The following APOO variants were observed in gnomAD, a reference collection of about 807,000 sequenced individuals.
The protein encoded by APOO is MICOS complex subunit MIC26.
APOO carries 11 observed loss-of-function variants against 23.1 expected under a neutral mutation model. That is an observed-to-expected ratio of 0.48 (90% confidence interval 0.30 to 0.79). The LOEUF is 0.79. APOO is among the 30% of genes least tolerant of loss of function. The pLI, the probability that APOO is intolerant of heterozygous loss-of-function variation, is 0.07. For missense variants in APOO, 160 were observed against 142.7 expected, an observed-to-expected ratio of 1.12 and a Z score of -0.62; for synonymous variants, 59 against 54.8, an observed-to-expected ratio of 1.08 and a Z score of -0.34.
chrX:23,857,096 G>A (rs1486760491), intron 6 of APOO, among the ~76,000 whole-genome samples: 1 of 110,329 alleles, frequency 9.1e-6, no homozygotes, highest in East Asian at 2.8e-4. Context: ...GAGGGTGGAG[G>A]GTGAGAAGAG....
At chrX:23,873,343 C>G (rs1325335397) in intron 4 of APOO, among the ~76,000 whole-genome samples, 1 of 111,423 alleles carries the variant, frequency 9.0e-6, no homozygotes, top group Non-Finnish European at 1.9e-5. Context: ...GGTACGGTGG[C>G]TCACGCCTGT....
intron 5 of APOO, among the ~76,000 whole-genome samples, chrX:23,865,275 C>A (rs1601907907): frequency 9.0e-6 from 1 of 111,192 alleles, no homozygotes; most frequent in East Asian, 2.8e-4. Flanking sequence ...CAATCCTCAA[C>A]AACTGAAGCA....
chrX:23,838,647 C>G (rs915167123), intron 8 of APOO, among the ~76,000 whole-genome samples: 13 of 108,951 alleles, frequency 1.2e-4, no homozygotes, highest in African/African-American at 4.3e-4. Context: ...CTCGATCTCT[C>G]GACCTCGTGA....
rs761393166 is a variant in APOO, at chrX:23,880,958, A to G, written c.10-6T>C. The stretch of plus-strand genomic sequence containing the variant: ...CCCACGGACCTCTGAATTACCTGAA[A>G]TGCAGAAGCAATCTTAAACCTCTCT... On this transcript the variant is annotated splice_polypyrimidine_tract_variant and splice_region_variant and intron_variant, in intron 1 of 8. Coordinates refer to ENST00000379226, the MANE Select transcript of APOO (RefSeq NM_024122.5). The G allele has an allele frequency of 8.7e-7, 1 of 1,150,388 alleles. No homozygotes were observed. Among genetic ancestry groups the G allele is most frequent in the Non-Finnish European group, 1.2e-6 (1 of 859,037 alleles). 94.8% of individuals were successfully genotyped at this position (1,150,388 alleles called of 1,213,427 possible).
At chrX:23,873,678 A>G (rs1354315926) in intron 4 of APOO, among the ~76,000 whole-genome samples, 2 of 111,532 alleles carry the variant, frequency 1.8e-5, no homozygotes, top group African/African-American at 6.5e-5. Context: ...TTTATCTGAC[A>G]GTCTCAGAAA....
chrX:23,838,810 A>C (rs1923839881), intron 8 of APOO, among the ~76,000 whole-genome samples: 1 of 111,800 alleles, frequency 8.9e-6, no homozygotes, highest in South Asian at 3.7e-4. Flanking sequence ...TCCAATAAAG[A>C]TCTAAAAACA....
intron 1 of APOO, chrX:23,883,490 T>C (rs1926236917): frequency 9.0e-6 from 1 of 111,400 alleles, no homozygotes; most frequent in Non-Finnish European, 1.9e-5. Context: ...GAAAACCACC[T>C]TCCCACTCCA....
chrX:23,841,418 G>A (rs1473934154), intron 7 of APOO, among the ~76,000 whole-genome samples: 1 of 106,223 alleles, frequency 9.4e-6, no homozygotes, highest in Non-Finnish European at 1.9e-5. Flanking sequence ...ACTTTGGGAG[G>A]CCGAGGCGGG....
rs752001925 is a variant in APOO, at chrX:23,848,254, G to A, written c.562-7877C>T. The stretch of plus-strand genomic sequence containing the variant: ...ATCATGGCTCACTGCAACCTCTACC[G>A]CCCAGGTTCAGGTGATTCTCCAGTC... On this transcript the variant is annotated intron_variant, in intron 7 of 8. Transcript: ENST00000379226. Among the ~76,000 whole-genome samples the A allele has an allele frequency of 7.3e-5, 8 of 109,340 alleles. No homozygotes were observed. In the South Asian group the frequency reaches 1.9e-3, roughly 27 times the overall value. 94.9% of individuals were successfully genotyped at this position (109,340 alleles called of 115,157 possible). A position where few individuals can be genotyped will look rare whatever the true frequency, so the allele number is the denominator to read the frequency against.
intron 1 of APOO, among the ~76,000 whole-genome samples, chrX:23,887,382 C>T (rs903547151): frequency 5.5e-5 from 6 of 108,384 alleles, no homozygotes; most frequent in East Asian, 2.9e-4. Flanking sequence ...TACAGGTGTG[C>T]GCCACCACAT....
At chrX:23,902,326 A>C (rs1440265406) in intron 1 of APOO, among the ~76,000 whole-genome samples, 1 of 111,449 alleles carries the variant, frequency 9.0e-6, no homozygotes, top group Admixed American at 9.6e-5. Flanking sequence ...CTGGACGCCA[A>C]CTAAAAAGTC....
chrX:23,892,849 T>C (rs1219691875), intron 1 of APOO, among the ~76,000 whole-genome samples: 1 of 107,448 alleles, frequency 9.3e-6, no homozygotes, highest in Non-Finnish European at 1.9e-5. Context: ...ATAATTTCCA[T>C]TCTGACAGCA....
chrX:23,844,310 T>A (rs767670326), intron 7 of APOO, among the ~76,000 whole-genome samples: 1 of 112,038 alleles, frequency 8.9e-6, no homozygotes, highest in African/African-American at 3.2e-5. Flanking sequence ...GGCAGAATAA[T>A]GGCCCCTCAA....
chrX:23,864,831 G>T (rs1425861223), intron 5 of APOO, among the ~76,000 whole-genome samples: 5 of 111,148 alleles, frequency 4.5e-5, no homozygotes, highest in Non-Finnish European at 7.6e-5. Flanking sequence ...CCCTGCATAT[G>T]GCCCCTCCCC....
intron 1 of APOO, among the ~76,000 whole-genome samples, chrX:23,896,267 CA>C (rs59861068): frequency 7.5e-4 from 73 of 97,786 alleles, no homozygotes; most frequent in East Asian, 2.2e-3. Context: ...GACTCCGTCT[CA>C]AAAAAAAAAA....
At chrX:23,843,134 T>C (rs1439449260) in intron 7 of APOO, among the ~76,000 whole-genome samples, 2 of 112,277 alleles carry the variant, frequency 1.8e-5, no homozygotes, top group Non-Finnish European at 3.8e-5. Context: ...CTACTATCTA[T>C]ACTCGCCAGT....
intron 4 of APOO, among the ~76,000 whole-genome samples, chrX:23,870,277 T>A (rs1264677460): frequency 1.8e-5 from 2 of 111,255 alleles, no homozygotes; most frequent in African/African-American, 6.5e-5. Flanking sequence ...CCTAAGCTCA[T>A]CAGTTCACAC....
chrX:23,853,206 C>T (rs1322564382), intron 7 of APOO, among the ~76,000 whole-genome samples: 2 of 110,778 alleles, frequency 1.8e-5, no homozygotes, highest in Admixed American at 9.7e-5. Context: ...TGCAGTAAGC[C>T]GAGATCGTGC....
intron 5 of APOO, among the ~76,000 whole-genome samples, chrX:23,863,563 C>T (rs938428659): frequency 2.7e-5 from 3 of 111,838 alleles, no homozygotes; most frequent in African/African-American, 9.7e-5. Context: ...CCCAACCAAA[C>T]TGTCACATGG....
Sources: gnomAD v4.1 joint callset for allele counts (sites outside exome capture counted in the v4.1 genomes callset) on GRCh38, gnomAD v4.1.1 for gene constraint, MANE v1.5 for transcripts, NCBI Gene and HGNC (gene_info 2026-07-23, HGNC 2026-07-21) for gene names.